The following LRP11 variants were observed in gnomAD, a reference collection of about 807,000 sequenced individuals.
The protein encoded by LRP11 is LDL receptor related protein 11.
In LRP11, 25 loss-of-function variants were observed where a neutral mutation model predicts 43.1. That is an observed-to-expected ratio of 0.58 (90% CI 0.42 to 0.81). The LOEUF (loss-of-function observed/expected upper bound fraction) is 0.81, where lower values mean the gene tolerates loss of function less well. LRP11 is among the 30% of genes least tolerant of loss of function. The probability of loss-of-function intolerance (pLI) is 0.00; values close to 1 mark genes in which losing one functional copy is unlikely to be tolerated. For missense variants in LRP11, 623 were observed against 665.1 expected, an observed-to-expected ratio of 0.94 and a Z score of 0.70; for synonymous variants, 316 against 299.4, an observed-to-expected ratio of 1.06 and a Z score of -0.57.
rs536715367 is a variant in LRP11, at chr6:149,843,139, G to C, written c.772-15C>G. On this transcript the variant is annotated splice_polypyrimidine_tract_variant and intron_variant, in intron 2 of 6. Coordinates refer to ENST00000239367, the MANE Select transcript of LRP11 (RefSeq NM_032832.6). Reference sequence around the variant, plus strand: ...GATTGAGGCACCTGCCACACAGATGGGACACATCACGTCGAGCAGCAGACT... The same window carrying C: ...GATTGAGGCACCTGCCACACAGATGCGACACATCACGTCGAGCAGCAGACT... 676 of 1,613,938 alleles carry C rather than the reference G, an allele frequency of 4.2e-4. 4 individuals are homozygous for C. The South Asian group carries it at 6.4e-3, about 15-fold the overall frequency.
chr6:149,831,980 C>T (rs896593600), intron 5 of LRP11, among the ~76,000 whole-genome samples: 1 of 151,966 alleles, frequency 6.6e-6, no homozygotes, highest in Non-Finnish European at 1.5e-5. Flanking sequence ...TAGTTTTAAG[C>T]CTTCAGAAAC....
intron 3 of LRP11, among the ~76,000 whole-genome samples, chr6:149,839,047 C>G (rs1238206211): frequency 6.6e-6 from 1 of 150,448 alleles, no homozygotes; most frequent in African/African-American, 2.5e-5. Flanking sequence ...TGGACATACA[C>G]TTGGTTTTTT....
intron 5 of LRP11, among the ~76,000 whole-genome samples, chr6:149,832,164 T>C (rs543219589): frequency 1.3e-5 from 2 of 152,078 alleles, no homozygotes; most frequent in African/African-American, 4.8e-5. Flanking sequence ...CTTAGTATCT[T>C]GTTAACAAGT....
chr6:149,848,176 A>G (rs1776667149), intron 2 of LRP11, among the ~76,000 whole-genome samples: 1 of 135,104 alleles, frequency 7.4e-6, no homozygotes, highest in Non-Finnish European at 1.6e-5. Flanking sequence ...CCATGTTATT[A>G]AAAAGTAAAA....
chr6:149,829,136 T>TC (rs1776376003), intron 5 of LRP11, among the ~76,000 whole-genome samples: 1 of 152,094 alleles, frequency 6.6e-6, no homozygotes, highest in South Asian at 2.1e-4. Context: ...CCTTTCCTCC[T>TC]CCCCCATGCC....
chr6:149,864,063 G>A lies in LRP11; in HGVS notation c.-43C>T. On this transcript the variant is annotated 5_prime_UTR_variant, in exon 1 of 7. Transcript: ENST00000239367. The stretch of plus-strand genomic sequence containing the variant: ...GCAGCGAGCCGAGGCGGGGCTGAGC[G>A]CGGGAGGAAGGCGGGGACGCGGGCG... 1.6e-6 allele frequency: 2 copies of A among 1,268,124 alleles called. No homozygotes were observed. The highest frequency in any genetic ancestry group is 2.0e-6 in the Non-Finnish European group (2 of 1,010,156). 78.6% of individuals were successfully genotyped at this position (1,268,124 alleles called of 1,614,324 possible). A position where few individuals can be genotyped will look rare whatever the true frequency, so the allele number is the denominator to read the frequency against.
chr6:149,861,341 AG>A (rs1776890595), intron 1 of LRP11, among the ~76,000 whole-genome samples: 1 of 152,188 alleles, frequency 6.6e-6, no homozygotes, highest in African/African-American at 2.4e-5. Flanking sequence ...CTGGGACCTC[AG>A]GAAGTCTGAG....
At position 149,864,097 on chromosome 6, in the gene LRP11, CCCT is replaced by C; in HGVS notation, c.-80_-78del. ...AGGCGGGGACGCGGGCGAGCGCGGG[CCCT>C]GGGCCCCTCCTGCGCGGCCGCGGCT... On this transcript the variant is annotated 5_prime_UTR_variant, in exon 1 of 7. Transcript: ENST00000239367. 8.2e-7 allele frequency: 1 copy of C among 1,215,038 alleles called. No individual in the cohort carries two copies. The highest frequency in any genetic ancestry group is 1.0e-6 in the Non-Finnish European group (1 of 978,352). The allele number at this position is 1,215,038 out of a possible 1,614,324, so 75.3% of individuals were successfully genotyped here. A position where few individuals can be genotyped will look rare whatever the true frequency, so the allele number is the denominator to read the frequency against.
intron 1 of LRP11, among the ~76,000 whole-genome samples, chr6:149,855,800 G>T (rs1776790229): frequency 6.6e-6 from 1 of 151,034 alleles, no homozygotes; most frequent in Non-Finnish European, 1.5e-5. Flanking sequence ...CATTTTTCCA[G>T]TCACTTAAGA....
intron 1 of LRP11, among the ~76,000 whole-genome samples, chr6:149,853,794 G>A (rs990858916): frequency 3.9e-5 from 6 of 152,206 alleles, no homozygotes; most frequent in Non-Finnish European, 7.3e-5. Context: ...TTAGCAGCGT[G>A]AGCCACTGCG....
intron 2 of LRP11, among the ~76,000 whole-genome samples, chr6:149,851,473 G>C (rs1776718073): frequency 6.6e-6 from 1 of 152,204 alleles, no homozygotes; most frequent in Non-Finnish European, 1.5e-5. Flanking sequence ...TGAGTTCTGA[G>C]AACAGCATAC....
At chr6:149,845,149 T>A (rs1224723225) in intron 2 of LRP11, among the ~76,000 whole-genome samples, 2 of 152,240 alleles carry the variant, frequency 1.3e-5, no homozygotes, top group African/African-American at 4.8e-5. Flanking sequence ...CCTCATTGTT[T>A]TCATTTGTAA....
chr6:149,836,910 A>G (rs1763865626), intron 4 of LRP11, among the ~76,000 whole-genome samples: 1 of 152,158 alleles, frequency 6.6e-6, no homozygotes, highest in Admixed American at 6.5e-5. Flanking sequence ...TCCATACTTC[A>G]TTACATTTTC....
In LRP11 at chr6:149,864,263, T is replaced by G; in HGVS notation, c.-243A>C. On this transcript the variant is annotated 5_prime_UTR_variant, in exon 1 of 7. Coordinates refer to ENST00000239367, the MANE Select transcript of LRP11 (RefSeq NM_032832.6). ...ACCGCTCCTTGCCCTCGCCGGAGACTGCCCAGCGCCCTGCGCCTCTCCGCC... is the reference window on the plus strand; with the variant it reads ...ACCGCTCCTTGCCCTCGCCGGAGACGGCCCAGCGCCCTGCGCCTCTCCGCC... 1 of 1,069,140 alleles carries G rather than the reference T, an allele frequency of 9.4e-7. No homozygotes were observed. The highest frequency in any genetic ancestry group is 1.1e-6 in the Non-Finnish European group (1 of 885,636). 66.2% of individuals were successfully genotyped at this position (1,069,140 alleles called of 1,614,324 possible). A position where few individuals can be genotyped will look rare whatever the true frequency, so the allele number is the denominator to read the frequency against.
intron 1 of LRP11, among the ~76,000 whole-genome samples, chr6:149,861,999 T>C (rs1776908663): frequency 6.6e-6 from 1 of 152,196 alleles, no homozygotes; most frequent in African/African-American, 2.4e-5. Context: ...TGGGATATTT[T>C]GGTCTGTGTT....
At chr6:149,837,929 C>T (rs1776494731) in intron 3 of LRP11, among the ~76,000 whole-genome samples, 1 of 151,976 alleles carries the variant, frequency 6.6e-6, no homozygotes, top group Non-Finnish European at 1.5e-5. Context: ...TATTTATTTA[C>T]TTACTTAAGA....
At chr6:149,860,735 T>C (rs943052157) in intron 1 of LRP11, among the ~76,000 whole-genome samples, 5 of 152,174 alleles carry the variant, frequency 3.3e-5, no homozygotes, top group South Asian at 2.1e-4. Context: ...CACTCATTCC[T>C]GCATCCTCCC....
chr6:149,839,281 G>A (rs60764176), intron 3 of LRP11, among the ~76,000 whole-genome samples: 2,035 of 152,150 alleles, frequency 0.013, 43 homozygotes, highest in African/African-American at 0.047. Flanking sequence ...AAGATATATT[G>A]ATCCAGGAGG....
At chr6:149,857,274 G>A (rs1001175678) in intron 1 of LRP11, among the ~76,000 whole-genome samples, 5 of 152,144 alleles carry the variant, frequency 3.3e-5, no homozygotes, top group African/African-American at 1.2e-4. Context: ...ATTCATGCTT[G>A]TAATCCCAGC....
Sources: allele counts gnomAD v4.1 joint callset (sites outside exome capture counted in the v4.1 genomes callset), GRCh38; gene constraint gnomAD v4.1.1; transcripts MANE v1.5; gene names NCBI Gene and HGNC (gene_info 2026-07-23, HGNC 2026-07-21).